The following MAMDC2 variants were observed in gnomAD, a reference collection of about 807,000 sequenced individuals.
MAMDC2 encodes MAM domain-containing protein 2.
A neutral mutation model predicts 89.8 loss-of-function variants in MAMDC2; 57 were observed. The observed-to-expected ratio is 0.63, with a 90% CI of 0.51 to 0.79. The LOEUF is 0.79. MAMDC2 is among the 30% of genes least tolerant of loss of function. The pLI is 0.00. For synonymous variants in MAMDC2, 313 were observed against 293.4 expected (o/e 1.07, Z -0.68); for missense variants, 800 against 820.6 (o/e 0.97, Z 0.31).
At chr9:70,179,275 G>A (rs192432574) in intron 11 of MAMDC2, among the ~76,000 whole-genome samples, 2,188 of 152,150 alleles carry the variant, frequency 0.014, 20 homozygotes, top group Admixed American at 0.021. Context: ...CACTTTGGGA[G>A]GCTGAGGCAG....
intron 2 of MAMDC2, among the ~76,000 whole-genome samples, chr9:70,066,999 T>C (rs1827281991): frequency 6.6e-6 from 1 of 152,244 alleles, no homozygotes; most frequent in Middle Eastern, 3.4e-3. Context: ...AGGAAGTTTA[T>C]GAGAGGGTGC....
At chr9:70,217,749 T>C (rs996053331) in intron 11 of MAMDC2, 1 of 1,059,162 alleles carries the variant, frequency 9.4e-7, no homozygotes, top group Non-Finnish European at 1.4e-6. Context: ...TAAAAAAAAG[T>C]GTCACAAAAA....
chr9:70,162,791 A>T (rs2032019132), intron 9 of MAMDC2, among the ~76,000 whole-genome samples: 1 of 151,710 alleles, frequency 6.6e-6, no homozygotes, highest in Admixed American at 6.6e-5. Context: ...ACTCGTGGGT[A>T]CTTTAACCAG....
At chr9:70,085,925 GA>G (rs1393274513) in intron 2 of MAMDC2, 1 of 151,966 alleles carries the variant, frequency 6.6e-6, no homozygotes, top group Non-Finnish European at 1.5e-5. Flanking sequence ...AGACTATAAG[GA>G]AAAATAGTTT....
At chr9:70,146,111 T>A (rs1427598429) in intron 9 of MAMDC2, among the ~76,000 whole-genome samples, 2 of 152,190 alleles carry the variant, frequency 1.3e-5, no homozygotes, top group African/African-American at 4.8e-5. Context: ...CAACATGAGT[T>A]GTTTAGGAAT....
chr9:70,085,617 G>A (rs1827752889), intron 2 of MAMDC2, among the ~76,000 whole-genome samples: 2 of 152,022 alleles, frequency 1.3e-5, no homozygotes, highest in African/African-American at 4.8e-5. Context: ...ATCCTGAGAT[G>A]TGTTCTGAGG....
At chr9:70,194,271 G>A (rs2032936112) in intron 11 of MAMDC2, 1 of 152,094 alleles carries the variant, frequency 6.6e-6, no homozygotes, top group African/African-American at 2.4e-5. Context: ...CTGCTGCTAT[G>A]ATTTGAATGT....
intron 11 of MAMDC2, among the ~76,000 whole-genome samples, chr9:70,197,911 G>A (rs540129615): frequency 9.9e-5 from 15 of 151,998 alleles, no homozygotes; most frequent in African/African-American, 3.6e-4. Context: ...CAATGCCTGG[G>A]TCATTCGTCC....
At chr9:70,223,483 AT>A (rs1207373808) in intron 12 of MAMDC2, among the ~76,000 whole-genome samples, 3 of 152,220 alleles carry the variant, frequency 2.0e-5, no homozygotes, top group African/African-American at 7.2e-5. Context: ...CTTGCTTTTA[AT>A]TGTAGCAGCT....
intron 7 of MAMDC2, among the ~76,000 whole-genome samples, chr9:70,135,761 C>T (rs1210542009): frequency 6.6e-6 from 1 of 152,112 alleles, no homozygotes; most frequent in Non-Finnish European, 1.5e-5. Flanking sequence ...GATTAAGGTT[C>T]ACTCGTGGTA....
At chr9:70,177,544 T>A (rs1198720472) in intron 11 of MAMDC2, among the ~76,000 whole-genome samples, 1 of 152,170 alleles carries the variant, frequency 6.6e-6, no homozygotes, top group Non-Finnish European at 1.5e-5. Context: ...ACTACTATAT[T>A]GGACATTTAC....
At chr9:70,132,574 C>G (rs912691895) in intron 7 of MAMDC2, among the ~76,000 whole-genome samples, 75 of 150,508 alleles carry the variant, frequency 5.0e-4, no homozygotes, top group Admixed American at 9.9e-4. Context: ...GGGTCTCGCT[C>G]TGTCACCCAG....
intron 10 of MAMDC2, among the ~76,000 whole-genome samples, chr9:70,169,251 G>A (rs1194823326): frequency 6.6e-6 from 1 of 152,174 alleles, no homozygotes; most frequent in Non-Finnish European, 1.5e-5. Context: ...TTAAATGACA[G>A]TGGAACAATA....
At chr9:70,194,133 C>T (rs1304119614) in intron 11 of MAMDC2, 4 of 152,074 alleles carry the variant, frequency 2.6e-5, no homozygotes, top group African/African-American at 4.8e-5. Context: ...TACAGTACAG[C>T]ATGGTATGGA....
chr9:70,050,855 G>A (rs1301859458), intron 2 of MAMDC2, among the ~76,000 whole-genome samples: 2 of 152,126 alleles, frequency 1.3e-5, no homozygotes, highest in Admixed American at 6.5e-5. Context: ...TCTCACTTTT[G>A]TGTGGCTGAA....
At chr9:70,109,422 G>A (rs555326106) in intron 3 of MAMDC2, 46 of 331,896 alleles carry the variant, frequency 1.4e-4, no homozygotes, top group African/African-American at 9.3e-4. Flanking sequence ...AGGTGGTGGT[G>A]GTTGGGATAG....
In MAMDC2 at chr9:70,044,805, G is replaced by A. The variant is rs1826706119; in HGVS notation, c.148+108G>A. 5.8e-6 allele frequency: 5 copies of A among 856,200 alleles called. No homozygotes were observed. In the East Asian group the frequency reaches 1.3e-4, roughly 23 times the overall value. The allele number at this position is 856,200 out of a possible 1,614,324, so 53.0% of individuals were successfully genotyped here. On this transcript the variant is annotated intron_variant, in intron 2 of 13. Coordinates refer to ENST00000377182, the MANE Select transcript of MAMDC2 (RefSeq NM_153267.5). ...TCTTGGAGTTAATTCTCCGCGGCAA[G>A]AAAAGTGTGAGTCATGGATCCTCCT...
At chr9:70,133,644 T>C (rs1203731068) in intron 7 of MAMDC2, among the ~76,000 whole-genome samples, 1 of 152,220 alleles carries the variant, frequency 6.6e-6, no homozygotes. Flanking sequence ...TTCCAAGCTA[T>C]CTGGCATGGG....
intron 11 of MAMDC2, among the ~76,000 whole-genome samples, chr9:70,179,527 A>AT (rs1194224047): frequency 2.0e-3 from 168 of 83,642 alleles, no homozygotes; most frequent in Middle Eastern, 5.7e-3. Flanking sequence ...CCGTCTCAAA[A>AT]AAAATAAATA....
Sources: gnomAD v4.1 joint callset for allele counts (sites outside exome capture counted in the v4.1 genomes callset) on GRCh38, gnomAD v4.1.1 for gene constraint, MANE v1.5 for transcripts, NCBI Gene and HGNC (gene_info 2026-07-23, HGNC 2026-07-21) for gene names.